Variants in MTUS1 observed in about 807,000 individuals in gnomAD.
MTUS1 encodes microtubule-associated tumor suppressor 1.
A neutral mutation model predicts 120.8 loss-of-function variants in MTUS1; 109 were observed. The ratio of observed to expected loss-of-function variants is 0.90; its 90% CI spans 0.77 to 1.06. The LOEUF is 1.06. Ranked by LOEUF, MTUS1 falls within the 50% of genes least tolerant of loss-of-function variation. MTUS1 has a pLI of 0.00. For missense variants in MTUS1, 2,210 were observed against 1,486.3 expected, an observed-to-expected ratio of 1.49 and a Z score of -8.01; for synonymous variants, 737 against 550.5, an observed-to-expected ratio of 1.34 and a Z score of -4.74.
At chr8:17,698,566 A>G (rs909533193) in intron 6 of MTUS1, among the ~76,000 whole-genome samples, 33 of 152,364 alleles carry the variant, frequency 2.2e-4, no homozygotes, top group African/African-American at 7.2e-4. Flanking sequence ...CCTAGAAAAT[A>G]AGACTCAGAA....
chr8:17,665,763 C>T (rs186853806), intron 8 of MTUS1, among the ~76,000 whole-genome samples: 7 of 152,314 alleles, frequency 4.6e-5, no homozygotes, highest in East Asian at 3.9e-4. Context: ...TTAATTCACA[C>T]GTACCATGGA....
chr8:17,679,935 C>T (rs763051430), intron 7 of MTUS1, among the ~76,000 whole-genome samples: 41 of 152,310 alleles, frequency 2.7e-4, no homozygotes, highest in African/African-American at 8.9e-4. Context: ...CCATCCTCTC[C>T]GTTCATATGT....
chr8:17,754,905 G>A lies in MTUS1; in HGVS notation c.903C>T (p.Val301=). Residue 301 remains valine (V), a synonymous_variant, in exon 2 of 15, where the codon GTC becomes GTT. Coordinates refer to ENST00000693296, the MANE Select transcript of MTUS1 (RefSeq NM_001363059.2). ...ALTPVSDGME[V]PNDSALQEFF... ...ACTCTTGTAATGCAGAATCATTGGG[G>A]ACTTCCATGCCATCAGAAACTGGTG... is the stretch of plus-strand genomic sequence containing the variant. 3.7e-6 allele frequency: 6 copies of A among 1,614,184 alleles called. No individual in the cohort carries two copies. Among genetic ancestry groups the A allele is most frequent in the Non-Finnish European group, 5.1e-6 (6 of 1,180,032 alleles).
At chr8:17,691,721 G>A (rs1267047880) in intron 6 of MTUS1, among the ~76,000 whole-genome samples, 1 of 151,922 alleles carries the variant, frequency 6.6e-6, no homozygotes, top group African/African-American at 2.4e-5. Flanking sequence ...TTTAATGGAA[G>A]CTTTCTAATA....
intron 1 of MTUS1, among the ~76,000 whole-genome samples, chr8:17,765,456 C>A (rs907216088): frequency 7.2e-5 from 11 of 151,872 alleles, no homozygotes; most frequent in Admixed American, 2.0e-4. Flanking sequence ...TCTTTCTCTA[C>A]AAAATATACA....
chr8:17,786,946 C>T (rs1449792731), intron 1 of MTUS1, among the ~76,000 whole-genome samples: 3 of 152,160 alleles, frequency 2.0e-5, no homozygotes, highest in African/African-American at 4.8e-5. Flanking sequence ...CTATACATTT[C>T]AGAAAGAAAA....
At chr8:17,658,222 C>T (rs1428756956) in intron 8 of MTUS1, among the ~76,000 whole-genome samples, 1 of 152,088 alleles carries the variant, frequency 6.6e-6, no homozygotes, top group East Asian at 1.9e-4. Context: ...TTTTAGTAGA[C>T]ACATGGTTTT....
At position 17,755,212 on chromosome 8, in the gene MTUS1, C is replaced by T. The variant is rs769892585; in HGVS notation, c.596G>A (p.Ser199Asn). Reference protein sequence around the residue: ...SLPPTGRRSGSTSSLSYSTWT... With the variant: ...SLPPTGRRSGNTSSLSYSTWT... ...AGTGGAATAGGATAAAGAAGATGTA[C>T]TTCCACTTCTCCTACCAGTTGGTGG... The change falls in exon 2 of 15, where the codon AGT becomes AAT. Residue 199 changes from serine to asparagine, a missense_variant. Transcript: ENST00000693296. The T allele has an allele frequency of 6.2e-7, 1 of 1,614,164 alleles. No individual in the cohort carries two copies.
chr8:17,724,207 T>G (rs1344733841), intron 3 of MTUS1: 2 of 418,900 alleles, frequency 4.8e-6, no homozygotes, highest in Non-Finnish European at 9.3e-6. Context: ...CCCATACTGG[T>G]GACTAAAAAA....
intron 1 of MTUS1, 118 bp downstream of exon 1, chr8:17,800,943 C>G (rs1338305716): frequency 6.6e-6 from 1 of 152,446 alleles, no homozygotes; most frequent in Non-Finnish European, 1.5e-5. Flanking sequence ...CCCCCAGGCC[C>G]CTGGAACGCC....
intron 1 of MTUS1, among the ~76,000 whole-genome samples, chr8:17,777,690 C>T (rs150407224): frequency 6.6e-6 from 1 of 152,156 alleles, no homozygotes; most frequent in Non-Finnish European, 1.5e-5. Context: ...TAGAAGGACT[C>T]CATATCCTTA....
At chr8:17,675,752 G>C (rs1249675843) in intron 7 of MTUS1, among the ~76,000 whole-genome samples, 1 of 152,144 alleles carries the variant, frequency 6.6e-6, no homozygotes, top group Non-Finnish European at 1.5e-5. Context: ...GAAAGCTATA[G>C]CAGAAAGATA....
intron 3 of MTUS1, among the ~76,000 whole-genome samples, chr8:17,731,412 T>C (rs755741185): frequency 2.6e-5 from 4 of 152,196 alleles, no homozygotes; most frequent in Non-Finnish European, 4.4e-5. Context: ...AATGAATTTA[T>C]AATTTTAAAA....
At chr8:17,747,589 C>G (rs558415813) in intron 2 of MTUS1, among the ~76,000 whole-genome samples, 1 of 152,314 alleles carries the variant, frequency 6.6e-6, no homozygotes, top group African/African-American at 2.4e-5. Flanking sequence ...TGCCCACTCT[C>G]TCCTAATTAG....
At chr8:17,729,099 G>C (rs1296296586) in intron 3 of MTUS1, among the ~76,000 whole-genome samples, 1 of 152,110 alleles carries the variant, frequency 6.6e-6, no homozygotes, top group African/African-American at 2.4e-5. Flanking sequence ...AGTTAATTCA[G>C]AGAATATGTC....
intron 8 of MTUS1, among the ~76,000 whole-genome samples, chr8:17,672,065 C>G (rs1454784510): frequency 6.6e-6 from 1 of 152,178 alleles, no homozygotes; most frequent in African/African-American, 2.4e-5. Flanking sequence ...CCACACACCA[C>G]ACTCTACTGG....
chr8:17,788,820 T>C (rs1039999435), intron 1 of MTUS1, among the ~76,000 whole-genome samples: 5 of 152,306 alleles, frequency 3.3e-5, no homozygotes, highest in South Asian at 4.1e-4. Flanking sequence ...GTAACCTTTG[T>C]CATGAAAATC....
chr8:17,679,542 C>T (rs571630041), intron 7 of MTUS1, among the ~76,000 whole-genome samples: 100 of 151,802 alleles, frequency 6.6e-4, no homozygotes, highest in Middle Eastern at 3.4e-3. Context: ...CTCACTGTCA[C>T]CCAGGCTGGA....
At position 17,754,587 on chromosome 8, in the gene MTUS1, C is replaced by A; in HGVS notation, c.1221G>T (p.Ser407=). ...LSSPPGQKVG[S]SFGLTWDAND... ...TTGCATCCCAAGTCAGTCCAAATGA[C>A]GAGCCCACCTTTTGTCCTGGCGGGC... Residue 407 remains serine, a synonymous_variant, in exon 2 of 15, where the codon TCG becomes TCT. Coordinates refer to ENST00000693296, the MANE Select transcript of MTUS1 (RefSeq NM_001363059.2). 1.2e-6 allele frequency: 2 copies of A among 1,614,188 alleles called. No homozygotes were observed. The highest frequency in any genetic ancestry group is 1.7e-6 in the Non-Finnish European group (2 of 1,180,024).
Sources: allele counts gnomAD v4.1 joint callset (sites outside exome capture counted in the v4.1 genomes callset), GRCh38; gene constraint gnomAD v4.1.1; transcripts MANE v1.5; gene names NCBI Gene and HGNC (gene_info 2026-07-23, HGNC 2026-07-21).